The following TEX11 variants were observed in gnomAD, a reference collection of about 807,000 sequenced individuals.
The protein encoded by TEX11 is testis expressed 11.
TEX11 carries 7 observed loss-of-function variants against 84.4 expected under a neutral mutation model. The ratio of observed to expected loss-of-function variants is 0.08; its 90% confidence interval spans 0.05 to 0.16. The LOEUF is 0.16. TEX11 is among the 10% of genes least tolerant of loss of function. The pLI is 1.00. For missense variants in TEX11, 551 were observed against 660.5 expected, an observed-to-expected ratio of 0.83 and a Z score of 1.82; for synonymous variants, 264 against 222.8, an observed-to-expected ratio of 1.18 and a Z score of -1.64.
chrX:70,600,149 G>A (rs1344326177), intron 24 of TEX11, among the ~76,000 whole-genome samples: 3 of 111,410 alleles, frequency 2.7e-5, no homozygotes, highest in East Asian at 2.8e-4. Flanking sequence ...GTGTAAAAGT[G>A]TTCCTATTTC....
intron 9 of TEX11, among the ~76,000 whole-genome samples, chrX:70,804,532 T>C (rs1397434904): frequency 1.8e-5 from 2 of 112,191 alleles, no homozygotes; most frequent in African/African-American, 6.5e-5. Flanking sequence ...ATTAAAATCA[T>C]ATGTAATTAC....
At chrX:70,904,318 C>T (rs780604391) in intron 2 of TEX11, among the ~76,000 whole-genome samples, 1 of 111,444 alleles carries the variant, frequency 9.0e-6, no homozygotes, top group East Asian at 2.8e-4. Flanking sequence ...TGAAAGTACA[C>T]CAACTTCACT....
intron 20 of TEX11, among the ~76,000 whole-genome samples, chrX:70,621,338 T>G (rs1196496477): frequency 9.7e-6 from 1 of 103,557 alleles, no homozygotes; most frequent in Non-Finnish European, 2.0e-5. Flanking sequence ...CTGGCCAACA[T>G]AGTGAAACCC....
At chrX:70,843,121 A>G (rs1249052949) in intron 7 of TEX11, among the ~76,000 whole-genome samples, 1 of 111,964 alleles carries the variant, frequency 8.9e-6, no homozygotes, top group Non-Finnish European at 1.9e-5. Context: ...CAGAATTGGA[A>G]AAAACTACTT....
intron 26 of TEX11, 97 bp from the exon 27 acceptor site, chrX:70,553,511 C>A: frequency 2.1e-6 from 1 of 466,786 alleles, no homozygotes; most frequent in Non-Finnish European, 3.5e-6. Context: ...TGAAACTGGG[C>A]TGAAACAGAT....
intron 11 of TEX11, among the ~76,000 whole-genome samples, chrX:70,735,225 T>C (rs759214872): frequency 1.8e-5 from 2 of 111,021 alleles, no homozygotes; most frequent in East Asian, 2.8e-4. Context: ...GTTAATTTTG[T>C]ATTTTTAGTA....
intron 15 of TEX11, among the ~76,000 whole-genome samples, chrX:70,676,647 G>C: frequency 9.0e-6 from 1 of 111,627 alleles, no homozygotes; most frequent in Non-Finnish European, 1.9e-5. Flanking sequence ...TTTTCATTAA[G>C]TTTTGAAAGT....
chrX:70,524,186 A>G (rs181380689), downstream of TEX11, among the ~76,000 whole-genome samples: 9 of 112,228 alleles, frequency 8.0e-5, no homozygotes, highest in African/African-American at 2.9e-4. Context: ...ATACTAGTTT[A>G]TTACCTATTG....
At chrX:70,674,343 T>C (rs1603211193) in intron 15 of TEX11, among the ~76,000 whole-genome samples, 1 of 112,182 alleles carries the variant, frequency 8.9e-6, no homozygotes, top group Admixed American at 9.5e-5. Context: ...CTATTGTGAA[T>C]AGTGCTGCAA....
intron 9 of TEX11, among the ~76,000 whole-genome samples, chrX:70,806,076 T>A (rs2091217370): frequency 8.9e-6 from 1 of 111,872 alleles, no homozygotes; most frequent in African/African-American, 3.2e-5. Flanking sequence ...ACAATAAGTA[T>A]CAAAGCAACA....
intron 7 of TEX11, among the ~76,000 whole-genome samples, chrX:70,838,879 G>A (rs751219728): frequency 2.2e-4 from 25 of 112,472 alleles, no homozygotes; most frequent in African/African-American, 4.2e-4. Flanking sequence ...ATGGAGTCTC[G>A]CTCATTGCTA....
chrX:70,848,578 T>G (rs1335357267), intron 7 of TEX11, among the ~76,000 whole-genome samples: 4 of 110,963 alleles, frequency 3.6e-5, no homozygotes. Flanking sequence ...GGATGGGGGG[T>G]GCAAAAAGAT....
chrX:70,552,589 T>TA (rs1230213323), intron 27 of TEX11, among the ~76,000 whole-genome samples: 1 of 111,586 alleles, frequency 9.0e-6, no homozygotes. Flanking sequence ...AACTGGGGTT[T>TA]AAAGTGGAAT....
chrX:70,788,961 TATATATATATATAGAGAGAG>T (rs1396292800), intron 9 of TEX11, among the ~76,000 whole-genome samples: 17 of 44,530 alleles, frequency 3.8e-4, no homozygotes, highest in African/African-American at 5.1e-4. Flanking sequence ...TATATATATA[TATATATATATATAGAGAGAG>T]AGAGAGAGAG....
intron 9 of TEX11, among the ~76,000 whole-genome samples, chrX:70,757,670 C>A (rs775032258): frequency 5.0e-4 from 56 of 111,719 alleles, no homozygotes; most frequent in Admixed American, 1.3e-3. Context: ...CAAAAACATG[C>A]CAAATTGTAA....
chrX:70,632,718 A>G (rs2089525180), intron 17 of TEX11, among the ~76,000 whole-genome samples: 1 of 111,699 alleles, frequency 9.0e-6, no homozygotes, highest in South Asian at 3.7e-4. Context: ...AAAAATAGAG[A>G]AGACATAAAT....
chrX:70,792,545 C>G (rs918063595), intron 9 of TEX11, among the ~76,000 whole-genome samples: 1 of 104,082 alleles, frequency 9.6e-6, no homozygotes, highest in African/African-American at 3.5e-5. Flanking sequence ...TGACTAAAAC[C>G]ATAGCAAAAC....
intron 11 of TEX11, among the ~76,000 whole-genome samples, chrX:70,728,423 G>C (rs2090616618): frequency 8.8e-6 from 1 of 113,034 alleles, no homozygotes; most frequent in East Asian, 2.8e-4. Context: ...GTCAAAGAAA[G>C]GAGTGACAGA....
chrX:70,582,542 T>C (rs2088790009), intron 25 of TEX11, among the ~76,000 whole-genome samples: 1 of 111,259 alleles, frequency 9.0e-6, no homozygotes, highest in Non-Finnish European at 1.9e-5. Context: ...GTAATCTGCC[T>C]AGATAGCAGA....
Sources: allele counts gnomAD v4.1 joint callset (sites outside exome capture counted in the v4.1 genomes callset), GRCh38; gene constraint gnomAD v4.1.1; transcripts MANE v1.5; gene names NCBI Gene and HGNC (gene_info 2026-07-23, HGNC 2026-07-21).